The following ZNF451 variants were observed in gnomAD, a reference collection of about 807,000 sequenced individuals.
The protein encoded by ZNF451 is zinc finger protein 451.
In ZNF451, 80 loss-of-function variants were observed where a neutral mutation model predicts 107.1. That is an observed-to-expected ratio of 0.75 (90% confidence interval 0.62 to 0.90). ZNF451 has a LOEUF of 0.90. ZNF451 is among the 40% of genes least tolerant of loss of function. The pLI is 0.00. For missense variants in ZNF451, 1,107 were observed against 1,236.2 expected (o/e 0.90, Z 1.57); for synonymous variants, 362 against 406.5 (o/e 0.89, Z 1.32).
At chr6:57,135,475 CAAG>C (rs1373630999) in intron 7 of ZNF451, among the ~76,000 whole-genome samples, 1 of 151,884 alleles carries the variant, frequency 6.6e-6, no homozygotes, top group Non-Finnish European at 1.5e-5. Flanking sequence ...AACAAAAAGA[CAAG>C]AAGTCATCCT....
At chr6:57,137,032 A>T (rs1831463557) in intron 7 of ZNF451, among the ~76,000 whole-genome samples, 1 of 152,192 alleles carries the variant, frequency 6.6e-6, no homozygotes, top group Non-Finnish European at 1.5e-5. Context: ...TAGTTTCTTC[A>T]TCCCTAAAAT....
intron 3 of ZNF451, among the ~76,000 whole-genome samples, chr6:57,120,615 C>T (rs1461294125): frequency 1.3e-5 from 2 of 152,134 alleles, no homozygotes; most frequent in East Asian, 3.9e-4. Context: ...ATTGGTATCT[C>T]GTTGTTTTAA....
At chr6:57,145,755 T>A (rs1412953409) in intron 9 of ZNF451, among the ~76,000 whole-genome samples, 2 of 152,196 alleles carry the variant, frequency 1.3e-5, no homozygotes, top group African/African-American at 4.8e-5. Context: ...AGTGCTGCGG[T>A]AAATGTACAA....
At chr6:57,132,750 G>C (rs1484169599) in intron 5 of ZNF451, among the ~76,000 whole-genome samples, 1 of 151,908 alleles carries the variant, frequency 6.6e-6, no homozygotes, top group African/African-American at 2.4e-5. Flanking sequence ...GCGTGCTCCT[G>C]TAGTTTGAGC....
intron 3 of ZNF451, chr6:57,103,046 T>C: frequency 1.0e-6 from 1 of 985,432 alleles, no homozygotes; most frequent in Non-Finnish European, 1.2e-6. Context: ...CTTTTGAGCT[T>C]GATAGTGCAT....
Position 57,148,417 on chromosome 6 carries a change from G to T in ZNF451, c.2332G>T (p.Glu778Ter). ...CACTCATATCCATCAAGTGCACAAA[G>T]AAAAGAGTGATGAGGAGGAGCAGCA... The part of the protein sequence containing the change: ...MNTHIHQVHK[E>*]KSDEEEQQYV... The change falls in exon 10 of 15, where the codon GAA (glutamate) becomes TAA (stop). Residue 778 changes from glutamate to a stop codon, truncating the protein, a stop_gained. Transcript: ENST00000370706. LOFTEE classifies it high-confidence loss of function. 6.2e-7 allele frequency: 1 copy of T among 1,613,884 alleles called. No individual in the cohort carries two copies. Among genetic ancestry groups the T allele is most frequent in the Non-Finnish European group, 8.5e-7 (1 of 1,179,892 alleles).
chr6:57,124,296 G>A, intron 3 of ZNF451: 1 of 631,044 alleles, frequency 1.6e-6, no homozygotes, highest in South Asian at 1.9e-5. Context: ...TCCCCCTGGA[G>A]TTTTTAACTC....
intron 7 of ZNF451, among the ~76,000 whole-genome samples, chr6:57,138,737 ATATATGTGTGTG>A (rs1428530955): frequency 1.9e-4 from 17 of 91,280 alleles, no homozygotes; most frequent in African/African-American, 5.4e-4. Context: ...ATATATATAT[ATATATGTGTGTG>A]TGTGTGTGTG....
At chr6:57,111,628 G>C (rs1426749835) in intron 3 of ZNF451, among the ~76,000 whole-genome samples, 1 of 151,904 alleles carries the variant, frequency 6.6e-6, no homozygotes, top group Non-Finnish European at 1.5e-5. Context: ...TGATCCACCT[G>C]CCTCGGCCTC....
intron 2 of ZNF451, among the ~76,000 whole-genome samples, chr6:57,093,973 A>G (rs945844307): frequency 2.6e-5 from 4 of 152,254 alleles, no homozygotes; most frequent in South Asian, 2.1e-4. Flanking sequence ...TATGGGGGGA[A>G]AAATGAATTA....
chr6:57,135,594 G>T (rs1263993551), intron 7 of ZNF451, among the ~76,000 whole-genome samples: 1 of 152,056 alleles, frequency 6.6e-6, no homozygotes, highest in African/African-American at 2.4e-5. Context: ...TATCTAAATT[G>T]TTCTGTGATT....
intron 3 of ZNF451, chr6:57,108,769 A>G: frequency 1.0e-6 from 1 of 985,464 alleles, no homozygotes; most frequent in South Asian, 4.7e-5. Context: ...GAAAGAATCT[A>G]CATTTGTATA....
chr6:57,147,618 G>C lies in ZNF451; in HGVS notation c.1533G>C (p.Gly511=), dbSNP rs1400648199. 6.2e-7 allele frequency: 1 copy of C among 1,614,020 alleles called. No individual in the cohort carries two copies. The highest frequency in any genetic ancestry group is 8.5e-7 in the Non-Finnish European group (1 of 1,179,974). The change falls in exon 10 of 15, where the codon GGG becomes GGC. Residue 511 remains glycine, a synonymous_variant. Coordinates refer to ENST00000370706, the MANE Select transcript of ZNF451 (RefSeq NM_001031623.3). Reference sequence around the variant, plus strand: ...GTGGAAAGGTATGTGATGATTCAGGGGTCATTCGTTTACACATGAGCCGGA... The same window carrying C: ...GTGGAAAGGTATGTGATGATTCAGGCGTCATTCGTTTACACATGAGCCGGA... ...VVCGKVCDDS[G]VIRLHMSRIH...
chr6:57,154,156 C>A, intron 13 of ZNF451, 109 bp downstream of exon 13: 2 of 1,037,766 alleles, frequency 1.9e-6, no homozygotes, highest in East Asian at 2.5e-5. Context: ...CTTGCTAAAC[C>A]ATCATGTTCT....
intron 12 of ZNF451, among the ~76,000 whole-genome samples, chr6:57,153,411 T>C (rs1832439440): frequency 1.3e-5 from 2 of 151,892 alleles, no homozygotes; most frequent in Admixed American, 1.3e-4. Flanking sequence ...TCTCTCTTTT[T>C]TTTTTTTTCC....
At chr6:57,131,955 A>G (rs921058738) in intron 5 of ZNF451, among the ~76,000 whole-genome samples, 1 of 152,178 alleles carries the variant, frequency 6.6e-6, no homozygotes, top group Non-Finnish European at 1.5e-5. Flanking sequence ...AGTTGCCCCG[A>G]GGACATTTGG....
intron 2 of ZNF451, chr6:57,092,872 T>C (rs1231328357): frequency 3.9e-5 from 6 of 152,152 alleles, no homozygotes; most frequent in African/African-American, 1.2e-4. Flanking sequence ...AGGAGTGATA[T>C]AGATATGGAG....
chr6:57,117,665 GTGTT>G (rs1830437835), intron 3 of ZNF451, among the ~76,000 whole-genome samples: 3 of 152,200 alleles, frequency 2.0e-5, no homozygotes, highest in African/African-American at 7.2e-5. Context: ...TATAATTGCT[GTGTT>G]TCTGAATTTA....
At chr6:57,151,500 T>G (rs1832347448) in intron 11 of ZNF451, 1 of 152,200 alleles carries the variant, frequency 6.6e-6, no homozygotes, top group Non-Finnish European at 1.5e-5. Flanking sequence ...TTATTATGGT[T>G]TTATCCCTTT....
Sources: gnomAD v4.1 joint callset for allele counts (sites outside exome capture counted in the v4.1 genomes callset) on GRCh38, gnomAD v4.1.1 for gene constraint, MANE v1.5 for transcripts, NCBI Gene and HGNC (gene_info 2026-07-23, HGNC 2026-07-21) for gene names.